The following PRR16 variants were observed in gnomAD, a reference collection of about 807,000 sequenced individuals.
The protein encoded by PRR16 is proline rich 16, also known as protein Largen.
Under a neutral mutation model 18.2 loss-of-function variants are expected in PRR16, and 6 were observed. That is an observed-to-expected ratio of 0.33 (90% CI 0.18 to 0.65). The LOEUF (loss-of-function observed/expected upper bound fraction) is 0.65, where lower values mean the gene tolerates loss of function less well. Ranked by LOEUF, PRR16 falls within the 30% of genes least tolerant of loss-of-function variation. The pLI is 0.74. For missense variants in PRR16, 412 were observed against 376.6 expected (o/e 1.09, Z -0.78); for synonymous variants, 151 against 147.8 (o/e 1.02, Z -0.16).
chr5:120,774,428 A>C, the PRR16 span, among the ~76,000 whole-genome samples: 3 of 152,232 alleles, frequency 2.0e-5, no homozygotes, highest in Admixed American at 2.0e-4. Context: ...TTGGAGTTTT[A>C]TATGTATAAA....
At chr5:120,567,704 C>T (rs779122993) in intron 1 of PRR16, among the ~76,000 whole-genome samples, 1 of 152,166 alleles carries the variant, frequency 6.6e-6, no homozygotes, top group African/African-American at 2.4e-5. Flanking sequence ...CACTCTCTGT[C>T]TCCTGCTACC....
At chr5:120,683,072 T>G (rs537857499) in intron 1 of PRR16, among the ~76,000 whole-genome samples, 1 of 152,186 alleles carries the variant, frequency 6.6e-6, no homozygotes, top group East Asian at 1.9e-4. Context: ...ACAAGCAATT[T>G]TGAGGGCCTA....
At chr5:120,483,597 A>G (rs1393015782) in intron 1 of PRR16, among the ~76,000 whole-genome samples, 1 of 152,150 alleles carries the variant, frequency 6.6e-6, no homozygotes, top group South Asian at 2.1e-4. Flanking sequence ...GTTTTAGGAA[A>G]CACTGTTCTT....
the PRR16 span, among the ~76,000 whole-genome samples, chr5:120,696,831 A>C: frequency 6.6e-6 from 1 of 152,248 alleles, no homozygotes; most frequent in Non-Finnish European, 1.5e-5. Flanking sequence ...CATATGTTAA[A>C]TAGCTCAATG....
intron 1 of PRR16, among the ~76,000 whole-genome samples, chr5:120,620,287 T>C (rs961803574): frequency 1.3e-5 from 2 of 152,126 alleles, no homozygotes; most frequent in Non-Finnish European, 2.9e-5. Context: ...TGGAGCATTG[T>C]AACACCAAAG....
chr5:120,759,433 T>C, the PRR16 span, among the ~76,000 whole-genome samples: 1 of 152,088 alleles, frequency 6.6e-6, no homozygotes, highest in South Asian at 2.1e-4. Flanking sequence ...AAAGACTATA[T>C]ACTATATGAT....
Position 120,481,240 on chromosome 5 carries a change from C to T in PRR16, c.159+16595C>T, listed in dbSNP as rs1311266589. The T allele has an allele frequency of 9.6e-6, 5 of 518,648 alleles. No individual in the cohort carries two copies. In the Admixed American group the frequency reaches 1.2e-4, roughly 12 times the overall value. 32.1% of individuals were successfully genotyped at this position (518,648 alleles called of 1,614,324 possible). A position where few individuals can be genotyped will look rare whatever the true frequency, so the allele number is the denominator to read the frequency against. ...TGGGCTCACTGCAACCTCTGCCTCCCAGGTTCAAGCTATTCTCCTGCCTCA... is the reference window on the plus strand; with the variant it reads ...TGGGCTCACTGCAACCTCTGCCTCCTAGGTTCAAGCTATTCTCCTGCCTCA... On this transcript the variant is annotated intron_variant, in intron 1 of 1. Transcript: ENST00000407149.
chr5:120,779,436 C>G, the PRR16 span, among the ~76,000 whole-genome samples: 1 of 152,044 alleles, frequency 6.6e-6, no homozygotes, highest in African/African-American at 2.4e-5. Context: ...CAAAAAAACA[C>G]AACAAACTAT....
At chr5:120,597,748 T>C (rs1036564955) in intron 1 of PRR16, among the ~76,000 whole-genome samples, 2 of 151,908 alleles carry the variant, frequency 1.3e-5, no homozygotes, top group South Asian at 4.1e-4. Context: ...TCCAAATCTG[T>C]AAGGCTCAGT....
chr5:120,707,876 G>A, the PRR16 span, among the ~76,000 whole-genome samples: 1 of 152,152 alleles, frequency 6.6e-6, no homozygotes, highest in South Asian at 2.1e-4. Context: ...ATGGGAATGA[G>A]GCTTGTCAGC....
intron 1 of PRR16, among the ~76,000 whole-genome samples, chr5:120,549,005 T>A (rs574494581): frequency 1.3e-5 from 2 of 151,768 alleles, no homozygotes; most frequent in South Asian, 4.2e-4. Flanking sequence ...ATATATCCAT[T>A]TGACTTCGTT....
At chr5:120,727,269 T>C in the PRR16 span, among the ~76,000 whole-genome samples, 3 of 152,116 alleles carry the variant, frequency 2.0e-5, no homozygotes, top group African/African-American at 4.8e-5. Flanking sequence ...TGCATACTTT[T>C]CTGGGATAAT....
At chr5:120,513,147 G>A (rs57530274) in intron 1 of PRR16, among the ~76,000 whole-genome samples, 1 of 152,246 alleles carries the variant, frequency 6.6e-6, no homozygotes, top group African/African-American at 2.4e-5. Flanking sequence ...GATTTAACCG[G>A]TTGTGGCTGG....
At chr5:120,568,352 C>G (rs1485045313) in intron 1 of PRR16, among the ~76,000 whole-genome samples, 2 of 152,104 alleles carry the variant, frequency 1.3e-5, no homozygotes, top group Non-Finnish European at 2.9e-5. Flanking sequence ...GTCTGTGCAG[C>G]TAGTGGGGAA....
intron 1 of PRR16, among the ~76,000 whole-genome samples, chr5:120,649,860 CTT>C (rs1337688532): frequency 2.6e-5 from 4 of 152,002 alleles, no homozygotes; most frequent in Non-Finnish European, 4.4e-5. Context: ...AATTATATAA[CTT>C]ATATTAATCT....
At chr5:120,741,390 CA>C in the PRR16 span, among the ~76,000 whole-genome samples, 1 of 152,066 alleles carries the variant, frequency 6.6e-6, no homozygotes. Flanking sequence ...TTTACTTATG[CA>C]ACCATATCTA....
chr5:120,782,188 C>T, the PRR16 span, among the ~76,000 whole-genome samples: 1 of 152,212 alleles, frequency 6.6e-6, no homozygotes, highest in East Asian at 1.9e-4. Flanking sequence ...TGGAGTGGGA[C>T]AGATTAAACC....
chr5:120,618,608 A>G, intron 1 of PRR16: 1 of 871,584 alleles, frequency 1.1e-6, no homozygotes, highest in South Asian at 5.3e-5. Flanking sequence ...AAAATGGACA[A>G]AAAAGGTATA....
At chr5:120,515,916 G>A (rs1750974174) in intron 1 of PRR16, among the ~76,000 whole-genome samples, 1 of 152,218 alleles carries the variant, frequency 6.6e-6, no homozygotes, top group African/African-American at 2.4e-5. Flanking sequence ...CTTTCTTCAA[G>A]AATCTCTTGT....
Sources: gnomAD v4.1 joint callset for allele counts (sites outside exome capture counted in the v4.1 genomes callset) on GRCh38, gnomAD v4.1.1 for gene constraint, MANE v1.5 for transcripts, NCBI Gene and HGNC (gene_info 2026-07-23, HGNC 2026-07-21) for gene names.